The following CSMD2 variants were observed in gnomAD, a reference collection of about 807,000 sequenced individuals.
The protein encoded by CSMD2 is CUB and Sushi multiple domains 2, also known as CUB and sushi domain-containing protein 2.
In CSMD2, 130 loss-of-function variants were observed where a neutral mutation model predicts 398.5. The observed-to-expected ratio is 0.33, with a 90% CI of 0.28 to 0.38. The LOEUF is 0.38. CSMD2 is among the 10% of genes least tolerant of loss of function. The pLI, the probability that CSMD2 is intolerant of heterozygous loss-of-function variation, is 1.00. For missense variants in CSMD2, 3,829 were observed against 4,764.9 expected (o/e 0.80, Z 5.78); for synonymous variants, 1,828 against 1,908.5 (o/e 0.96, Z 1.10).
At chr1:33,652,687 G>A (rs1337548140) in intron 27 of CSMD2, among the ~76,000 whole-genome samples, 1 of 152,200 alleles carries the variant, frequency 6.6e-6, no homozygotes, top group Non-Finnish European at 1.5e-5. Context: ...AGTACCAGAT[G>A]CCACTGAACT....
At chr1:34,075,717 C>T (rs958024317) in intron 2 of CSMD2, among the ~76,000 whole-genome samples, 4 of 152,210 alleles carry the variant, frequency 2.6e-5, no homozygotes, top group African/African-American at 4.8e-5. Flanking sequence ...ATTATGTTTG[C>T]TCGTGTCCCA....
chr1:33,741,942 A>G (rs1647082574), intron 14 of CSMD2, among the ~76,000 whole-genome samples: 1 of 152,188 alleles, frequency 6.6e-6, no homozygotes, highest in African/African-American at 2.4e-5. Flanking sequence ...TTACTCATTC[A>G]TGGATCCTTC....
chr1:33,772,345 C>T, intron 13 of CSMD2: 1 of 492,128 alleles, frequency 2.0e-6, no homozygotes, highest in Non-Finnish European at 3.6e-6. Context: ...TGTTGAAGAG[C>T]ATCCCCAAAT....
intron 3 of CSMD2, among the ~76,000 whole-genome samples, chr1:33,976,739 C>A (rs1645980693): frequency 6.6e-6 from 1 of 152,152 alleles, no homozygotes; most frequent in Non-Finnish European, 1.5e-5. Flanking sequence ...TGACACTGGG[C>A]AACTCTGAAC....
intron 3 of CSMD2, among the ~76,000 whole-genome samples, chr1:33,955,496 A>AT (rs1183336447): frequency 6.6e-6 from 1 of 152,150 alleles, no homozygotes; most frequent in East Asian, 1.9e-4. Context: ...AACCCGGGTC[A>AT]TTACTAGAAA....
At chr1:34,082,462 G>A (rs905284695) in intron 2 of CSMD2, among the ~76,000 whole-genome samples, 42 of 150,616 alleles carry the variant, frequency 2.8e-4, no homozygotes, top group East Asian at 1.2e-3. Context: ...GGTGAGGGGC[G>A]CCCACGCCCG....
chr1:34,024,944 G>A (rs970141068), intron 3 of CSMD2, among the ~76,000 whole-genome samples: 2 of 152,122 alleles, frequency 1.3e-5, no homozygotes, highest in Non-Finnish European at 2.9e-5. Context: ...TCTAATTACA[G>A]GAAAAAACAA....
chr1:33,540,676 C>G lies in CSMD2; in HGVS notation c.9480G>C (p.Pro3160=), dbSNP rs143264756. ...CCACCACCTTCCCATTGGGGATGAG[C>G]GGAGGTGGCTTGCACATGAGAGCTG... The part of the protein sequence containing the change: ...VCKALMCKPP[P]LIPNGKVVGS... Residue 3160 remains proline, a synonymous_variant, in exon 60 of 71, where the codon CCG becomes CCC. Transcript: ENST00000373381. 3 of 1,614,162 alleles carry G rather than the reference C, an allele frequency of 1.9e-6. No homozygotes were observed.
Position 33,739,203 on chromosome 1 carries a change from T to C in CSMD2, c.2305A>G (p.Thr769Ala), listed in dbSNP as rs1646977950. 1 of 1,613,998 alleles carries C rather than the reference T, an allele frequency of 6.2e-7. No homozygotes were observed. Among genetic ancestry groups the C allele is most frequent in the African/African-American group, 1.3e-5 (1 of 74,910 alleles). ...EGFLGTQGSE[T>A]ITCVLKEGSV... Reference sequence around the variant, plus strand: ...CCCTCCTTCAGGACGCAGGTGATGGTCTCTGAGCCCTGAGTCCCAAGGAAG... The same window carrying C: ...CCCTCCTTCAGGACGCAGGTGATGGCCTCTGAGCCCTGAGTCCCAAGGAAG... The change falls in exon 15 of 71, where the codon ACC becomes GCC. Residue 769 changes from threonine to alanine, a missense_variant. By Grantham distance (58) the Thr-to-Ala change is moderately conservative. Transcript: ENST00000373381.
chr1:33,907,065 T>C (rs1006366819), intron 5 of CSMD2, among the ~76,000 whole-genome samples: 2 of 150,918 alleles, frequency 1.3e-5, no homozygotes, highest in African/African-American at 2.4e-5. Context: ...TAATTGGAAG[T>C]GGTAGTCTTT....
intron 58 of CSMD2, among the ~76,000 whole-genome samples, chr1:33,542,511 C>T (rs1656448894): frequency 6.6e-6 from 1 of 152,212 alleles, no homozygotes; most frequent in Non-Finnish European, 1.5e-5. Flanking sequence ...TGGTGAAGAT[C>T]AAATGAAATG....
At chr1:33,582,828 A>G (rs1158951096) in intron 47 of CSMD2, among the ~76,000 whole-genome samples, 1 of 152,214 alleles carries the variant, frequency 6.6e-6, no homozygotes, top group Non-Finnish European at 1.5e-5. Context: ...TGAGGCGCAT[A>G]TCTTTATTAG....
chr1:33,707,678 T>G, intron 22 of CSMD2, among the ~76,000 whole-genome samples: 1 of 112,962 alleles, frequency 8.9e-6, no homozygotes. Flanking sequence ...CACGCACGCG[T>G]GCACACGCGC....
chr1:33,907,200 A>G (rs1570463444), intron 5 of CSMD2, among the ~76,000 whole-genome samples: 1 of 147,470 alleles, frequency 6.8e-6, no homozygotes, highest in African/African-American at 2.5e-5. Context: ...CTCACTGCAA[A>G]CTCTGCCTCC....
chr1:33,982,333 GCACAGTGC>G (rs949811606), intron 3 of CSMD2, among the ~76,000 whole-genome samples: 1 of 152,132 alleles, frequency 6.6e-6, no homozygotes, highest in African/African-American at 2.4e-5. Context: ...CTGCACAGTG[GCACAGTGC>G]CACAGTGCCC....
At chr1:34,099,638 A>G (rs1488746503) in intron 1 of CSMD2, among the ~76,000 whole-genome samples, 1 of 152,220 alleles carries the variant, frequency 6.6e-6, no homozygotes, top group East Asian at 1.9e-4. Flanking sequence ...AAGGTGACAG[A>G]GCAGGGAACA....
rs908311685 is a variant in CSMD2, at chr1:33,646,552, G to A, written c.4774+96C>T. On this transcript the variant is annotated intron_variant, in intron 29 of 70. Coordinates refer to ENST00000373381, the MANE Select transcript of CSMD2 (RefSeq NM_001281956.2). ...CTAGGGTTGGTGTGGGCTTGCTGTGGTCCAGCCCAGGGCTCTCCTCACTAC... is the reference window on the plus strand; with the variant it reads ...CTAGGGTTGGTGTGGGCTTGCTGTGATCCAGCCCAGGGCTCTCCTCACTAC... 1.4e-5 allele frequency: 19 copies of A among 1,345,794 alleles called. No individual in the cohort carries two copies. The African/African-American group carries it at 2.0e-4, about 14-fold the overall frequency. The allele number at this position is 1,345,794 out of a possible 1,614,324, so 83.4% of individuals were successfully genotyped here.
chr1:34,093,309 A>G (rs1295987305), intron 1 of CSMD2, among the ~76,000 whole-genome samples: 1 of 152,232 alleles, frequency 6.6e-6, no homozygotes, highest in Non-Finnish European at 1.5e-5. Context: ...AGATGGGGAA[A>G]AAACAGAACA....
intron 1 of CSMD2, among the ~76,000 whole-genome samples, chr1:34,147,556 C>A (rs552497492): frequency 3.3e-5 from 5 of 152,142 alleles, no homozygotes; most frequent in African/African-American, 1.2e-4. Flanking sequence ...AGCCAGGTAA[C>A]AGGTGCTGAG....
Sources: gnomAD v4.1 joint callset for allele counts (sites outside exome capture counted in the v4.1 genomes callset) on GRCh38, gnomAD v4.1.1 for gene constraint, MANE v1.5 for transcripts, NCBI Gene and HGNC (gene_info 2026-07-23, HGNC 2026-07-21) for gene names.